PDLIM5: variants seen among roughly 807,000 people sequenced by gnomAD.
The protein encoded by PDLIM5 is PDZ and LIM domain protein 5.
PDLIM5 carries 34 observed loss-of-function variants against 64.2 expected under a neutral mutation model. The observed-to-expected ratio is 0.53, with a 90% CI of 0.40 to 0.71. The LOEUF (loss-of-function observed/expected upper bound fraction) is 0.71. Ranked by LOEUF, PDLIM5 falls within the 30% of genes least tolerant of loss-of-function variation. PDLIM5 has a pLI of 0.00. For missense variants in PDLIM5, 683 were observed against 733.6 expected (o/e 0.93, Z 0.80); for synonymous variants, 253 against 269.1 (o/e 0.94, Z 0.59).
chr4:94,601,743 A>G (rs982373633), intron 7 of PDLIM5, among the ~76,000 whole-genome samples: 12 of 152,314 alleles, frequency 7.9e-5, no homozygotes, highest in Admixed American at 1.3e-4. Context: ...TAGAATTAGC[A>G]GGCTCAAGTA....
Position 94,573,409 on chromosome 4 carries a change from A to T in PDLIM5, c.291+16A>T. 6.3e-7 allele frequency: 1 copy of T among 1,596,784 alleles called. No individual in the cohort carries two copies. The highest frequency in any genetic ancestry group is 8.6e-7 in the Non-Finnish European group (1 of 1,164,556). On this transcript the variant is annotated intron_variant, in intron 4 of 12. Transcript: ENST00000317968. ...TGTTCAAAAGGTGTGTTTTTAAGCT[A>T]GCACCCAGAGTATCACTTGATTGTC...
intron 7 of PDLIM5, among the ~76,000 whole-genome samples, chr4:94,605,466 G>A (rs1222315740): frequency 6.6e-6 from 1 of 152,190 alleles, no homozygotes; most frequent in African/African-American, 2.4e-5. Context: ...CCTCTCTGGT[G>A]AGAAATGAAA....
At chr4:94,575,009 T>C (rs1237084925) in intron 4 of PDLIM5, among the ~76,000 whole-genome samples, 2 of 151,572 alleles carry the variant, frequency 1.3e-5, no homozygotes, top group African/African-American at 2.4e-5. Context: ...TTTTTTTTTT[T>C]CAAATTCTTT....
intron 3 of PDLIM5, among the ~76,000 whole-genome samples, chr4:94,553,315 G>A (rs1184736308): frequency 6.6e-6 from 1 of 151,990 alleles, no homozygotes; most frequent in Non-Finnish European, 1.5e-5. Context: ...AGCCATCCTG[G>A]TCAGGCTGGT....
Position 94,665,481 on chromosome 4 carries a change from T to TAA in PDLIM5, c.*1438_*1439dup, listed in dbSNP as rs10706955. 8.5e-4 allele frequency: 382 copies of TAA among 448,952 alleles called. No individual in the cohort carries two copies. The highest frequency in any genetic ancestry group is 9.1e-4 in the Non-Finnish European group (348 of 381,746). The allele number at this position is 448,952 out of a possible 1,614,324, so 27.8% of individuals were successfully genotyped here. On this transcript the variant is annotated 3_prime_UTR_variant, in exon 13 of 13. Transcript: ENST00000317968. The stretch of plus-strand genomic sequence containing the variant: ...GGTGACAGAGCAAGACTCCGGCTCT[T>TAA]AAAAAAAAAAAAAAAAAAAAAAAAA...
intron 4 of PDLIM5, 57 bp from the exon 5 acceptor site, chr4:94,575,559 A>G: frequency 8.4e-7 from 1 of 1,190,050 alleles, no homozygotes; most frequent in Non-Finnish European, 1.2e-6. Flanking sequence ...TTTCGGTGAA[A>G]TATATTTTGC....
chr4:94,564,916 A>G (rs1734181827), intron 3 of PDLIM5, among the ~76,000 whole-genome samples: 1 of 152,084 alleles, frequency 6.6e-6, no homozygotes, highest in Non-Finnish European at 1.5e-5. Flanking sequence ...TCGGCCTCCC[A>G]AAGTGCTGGG....
intron 5 of PDLIM5, chr4:94,577,086 G>A (rs1344696820): frequency 9.9e-6 from 4 of 405,096 alleles, no homozygotes; most frequent in South Asian, 1.9e-5. Flanking sequence ...TTGGAATTCA[G>A]GGATGATACT....
At chr4:94,607,816 G>T (rs762090413) in intron 7 of PDLIM5, among the ~76,000 whole-genome samples, 1 of 152,064 alleles carries the variant, frequency 6.6e-6, no homozygotes, top group Non-Finnish European at 1.5e-5. Flanking sequence ...CCCTGTAAGC[G>T]TAATATTTTA....
chr4:94,577,119 A>C, intron 5 of PDLIM5: 2 of 442,060 alleles, frequency 4.5e-6, no homozygotes, highest in Non-Finnish European at 9.0e-6. Flanking sequence ...TTTATGTAAA[A>C]TCATTTTTAT....
intron 3 of PDLIM5, among the ~76,000 whole-genome samples, chr4:94,570,096 TAAA>T (rs1018051292): frequency 3.3e-5 from 5 of 152,022 alleles, no homozygotes; most frequent in African/African-American, 4.8e-5. Context: ...TTATAATTCT[TAAA>T]GAAGTATTAT....
At chr4:94,641,464 G>A (rs1740998290) in intron 9 of PDLIM5, among the ~76,000 whole-genome samples, 1 of 152,088 alleles carries the variant, frequency 6.6e-6, no homozygotes, top group Non-Finnish European at 1.5e-5. Context: ...ATAGCACACA[G>A]TATGCCATTC....
intron 7 of PDLIM5, among the ~76,000 whole-genome samples, chr4:94,612,846 TG>T (rs1361694501): frequency 6.6e-6 from 1 of 151,926 alleles, no homozygotes; most frequent in Non-Finnish European, 1.5e-5. Context: ...TTTTTACTTT[TG>T]TGTGATAGTA....
At chr4:94,585,173 C>T (rs558904906) in intron 5 of PDLIM5, among the ~76,000 whole-genome samples, 2 of 152,274 alleles carry the variant, frequency 1.3e-5, no homozygotes, top group African/African-American at 4.8e-5. Flanking sequence ...TCACTGCAAC[C>T]TCCACATCCC....
intron 3 of PDLIM5, among the ~76,000 whole-genome samples, chr4:94,552,331 T>C (rs1732882729): frequency 6.6e-6 from 1 of 152,176 alleles, no homozygotes; most frequent in Non-Finnish European, 1.5e-5. Flanking sequence ...GTTGAATGGC[T>C]GAGAGATTTG....
At chr4:94,610,650 A>G (rs914547569) in intron 7 of PDLIM5, among the ~76,000 whole-genome samples, 1 of 152,190 alleles carries the variant, frequency 6.6e-6, no homozygotes, top group Non-Finnish European at 1.5e-5. Flanking sequence ...TTAAGTTTCT[A>G]TTGATTTTAT....
chr4:94,523,250 A>G (rs1417644332), intron 2 of PDLIM5, among the ~76,000 whole-genome samples: 1 of 152,232 alleles, frequency 6.6e-6, no homozygotes, highest in African/African-American at 2.4e-5. Flanking sequence ...TGGACTCAAC[A>G]GGAAGGATTG....
chr4:94,575,962 G>T lies in PDLIM5; in HGVS notation c.638G>T (p.Cys213Phe), dbSNP rs1458574907. Residue 213 changes from cysteine to phenylalanine, a missense_variant, in exon 5 of 13, where the codon TGT (cysteine) becomes TTT (phenylalanine). Cys to Phe is a radical substitution (Grantham distance 205). Coordinates refer to ENST00000317968, the MANE Select transcript of PDLIM5 (RefSeq NM_006457.5). ...CGGCAGCCCACAGTCACCAGCGTGT[G>T]TTCCGAGACTTCTCAGGAGCTAGCA... ...VPRQPTVTSV[C>F]SETSQELAEG... 1 of 1,614,074 alleles carries T rather than the reference G, an allele frequency of 6.2e-7. No individual in the cohort carries two copies. The highest frequency in any genetic ancestry group is 2.2e-5 in the East Asian group (1 of 44,892).
intron 2 of PDLIM5, among the ~76,000 whole-genome samples, chr4:94,520,685 G>A (rs1729755197): frequency 6.6e-6 from 1 of 152,118 alleles, no homozygotes. Context: ...TGTGTATTGG[G>A]CATTTCCCAC....
Sources: allele counts gnomAD v4.1 joint callset (sites outside exome capture counted in the v4.1 genomes callset), GRCh38; gene constraint gnomAD v4.1.1; transcripts MANE v1.5; gene names NCBI Gene and HGNC (gene_info 2026-07-23, HGNC 2026-07-21).